Variants in EPHB1 observed in about 807,000 individuals in gnomAD.
The protein encoded by EPHB1 is ephrin type-B receptor 1.
EPHB1 carries 30 observed loss-of-function variants against 94.4 expected under a neutral mutation model. The ratio of observed to expected loss-of-function variants is 0.32; its 90% CI spans 0.24 to 0.43. The LOEUF (loss-of-function observed/expected upper bound fraction) is 0.43, where lower values mean the gene tolerates loss of function less well. Among genes scored for constraint, EPHB1 ranks in the 20% least tolerant of loss-of-function variants. EPHB1 has a pLI of 1.00. For synonymous variants in EPHB1, 522 were observed against 489.1 expected, an observed-to-expected ratio of 1.07 and a Z score of -0.89; for missense variants, 1,055 against 1,308.3, an observed-to-expected ratio of 0.81 and a Z score of 2.99.
intron 4 of EPHB1, among the ~76,000 whole-genome samples, chr3:135,127,289 G>T (rs1182420228): frequency 1.6e-4 from 25 of 152,222 alleles, no homozygotes; most frequent in Admixed American, 1.6e-3. Flanking sequence ...GCTTTTATCA[G>T]ATTCTGTAAG....
At chr3:135,252,173 A>G (rs1933136586) in intron 15 of EPHB1, among the ~76,000 whole-genome samples, 1 of 151,524 alleles carries the variant, frequency 6.6e-6, no homozygotes, top group Non-Finnish European at 1.5e-5. Flanking sequence ...TTTTCTGTCC[A>G]TAGCTTAATT....
At chr3:134,804,069 C>CT (rs1560240142) in intron 1 of EPHB1, among the ~76,000 whole-genome samples, 12 of 51,830 alleles carry the variant, frequency 2.3e-4, no homozygotes, top group South Asian at 9.4e-4. Flanking sequence ...TCATTATTGG[C>CT]TATTTTTTTT....
intron 1 of EPHB1, among the ~76,000 whole-genome samples, chr3:134,918,067 G>A (rs182941697): frequency 6.6e-5 from 10 of 152,348 alleles, no homozygotes; most frequent in Non-Finnish European, 1.2e-4. Flanking sequence ...TTGTATGAGG[G>A]CATCTGACCA....
At chr3:134,880,659 T>C (rs540766298) in intron 1 of EPHB1, among the ~76,000 whole-genome samples, 1 of 152,322 alleles carries the variant, frequency 6.6e-6, no homozygotes, top group South Asian at 2.1e-4. Context: ...CTCATACCAC[T>C]GCTCAGCCAA....
At chr3:135,155,813 CTG>C (rs1188200886) in intron 6 of EPHB1, among the ~76,000 whole-genome samples, 1 of 127,918 alleles carries the variant, frequency 7.8e-6, no homozygotes, top group Non-Finnish European at 1.7e-5. Flanking sequence ...AAAAAAAAGA[CTG>C]GAGCTTTTCC....
chr3:134,950,721 A>C (rs1932995109), intron 2 of EPHB1, among the ~76,000 whole-genome samples: 1 of 152,178 alleles, frequency 6.6e-6, no homozygotes. Context: ...CCATAATCAA[A>C]TCACCTCCCA....
At chr3:134,797,892 G>T (rs1424527787) in intron 1 of EPHB1, among the ~76,000 whole-genome samples, 2 of 152,196 alleles carry the variant, frequency 1.3e-5, no homozygotes, top group African/African-American at 4.8e-5. Context: ...TACTCAGTAC[G>T]CAGGGATATT....
intron 5 of EPHB1, among the ~76,000 whole-genome samples, chr3:135,147,237 A>G (rs779894927): frequency 6.6e-5 from 10 of 152,178 alleles, no homozygotes; most frequent in African/African-American, 1.4e-4. Context: ...TCTGTGCTAT[A>G]GATCACAGGT....
At chr3:134,803,457 G>T in intron 1 of EPHB1, among the ~76,000 whole-genome samples, 1 of 152,168 alleles carries the variant, frequency 6.6e-6, no homozygotes, top group Non-Finnish European at 1.5e-5. Context: ...GCCAGCAAGG[G>T]ATCAGGCTTG....
intron 3 of EPHB1, among the ~76,000 whole-genome samples, chr3:135,020,088 G>A (rs143071326): frequency 9.9e-5 from 15 of 152,200 alleles, no homozygotes; most frequent in African/African-American, 3.4e-4. Context: ...AAACGGTGTT[G>A]GTTAATTTAT....
At chr3:134,913,646 G>A (rs200661131) in intron 1 of EPHB1, among the ~76,000 whole-genome samples, 4 of 152,206 alleles carry the variant, frequency 2.6e-5, no homozygotes, top group East Asian at 3.9e-4. Flanking sequence ...CAGTACCAGG[G>A]CTGGAGAGCC....
At chr3:134,889,064 C>T (rs2037915322) in intron 1 of EPHB1, among the ~76,000 whole-genome samples, 1 of 152,208 alleles carries the variant, frequency 6.6e-6, no homozygotes, top group South Asian at 2.1e-4. Context: ...TTTAGATTTT[C>T]TGCTCAGTGC....
chr3:135,039,783 G>A (rs564885584), intron 3 of EPHB1, among the ~76,000 whole-genome samples: 212 of 152,304 alleles, frequency 1.4e-3, no homozygotes, highest in Non-Finnish European at 2.5e-3. Flanking sequence ...AGCGCCGCAC[G>A]CAGCCCCGGT....
chr3:135,052,540 A>C (rs945702162), intron 3 of EPHB1, among the ~76,000 whole-genome samples: 1 of 152,110 alleles, frequency 6.6e-6, no homozygotes. Context: ...TCCAAGGATC[A>C]GCTTTCTTTC....
At chr3:135,231,742 A>G (rs1365140159) in intron 12 of EPHB1, among the ~76,000 whole-genome samples, 6 of 152,192 alleles carry the variant, frequency 3.9e-5, no homozygotes, top group Non-Finnish European at 1.5e-5. Context: ...AGCTAATGCT[A>G]TGTGTCTTTT....
intron 3 of EPHB1, among the ~76,000 whole-genome samples, chr3:134,995,881 G>T (rs1295851185): frequency 6.6e-6 from 1 of 152,108 alleles, no homozygotes; most frequent in African/African-American, 2.4e-5. Context: ...TAAACATAAA[G>T]AAACTATCTC....
At chr3:135,251,710 G>A (rs1428688187) in intron 15 of EPHB1, among the ~76,000 whole-genome samples, 2 of 152,210 alleles carry the variant, frequency 1.3e-5, no homozygotes, top group African/African-American at 2.4e-5. Context: ...TCAACCAGCA[G>A]CATCCCTTGG....
chr3:134,863,644 G>A (rs1308167638), intron 1 of EPHB1, among the ~76,000 whole-genome samples: 9 of 152,244 alleles, frequency 5.9e-5, no homozygotes, highest in Non-Finnish European at 1.2e-4. Flanking sequence ...CTTGGAGCAA[G>A]TTTTTAGAAA....
intron 5 of EPHB1, among the ~76,000 whole-genome samples, chr3:135,145,398 A>G (rs1246098286): frequency 6.6e-6 from 1 of 152,194 alleles, no homozygotes; most frequent in Non-Finnish European, 1.5e-5. Context: ...CATAGCTTCT[A>G]GGATCTCACA....
Sources: allele counts gnomAD v4.1 joint callset (sites outside exome capture counted in the v4.1 genomes callset), GRCh38; gene constraint gnomAD v4.1.1; transcripts MANE v1.5; gene names NCBI Gene and HGNC (gene_info 2026-07-23, HGNC 2026-07-21).